The following AMBN variants were observed in gnomAD, a reference collection of about 807,000 sequenced individuals.
AMBN encodes ameloblastin, also known as enamel matrix protein.
Under a neutral mutation model 48.0 loss-of-function variants are expected in AMBN, and 54 were observed. The observed-to-expected ratio is 1.12, with a 90% CI of 0.90 to 1.41. The LOEUF (loss-of-function observed/expected upper bound fraction) is 1.41, where lower values mean the gene tolerates loss of function less well. Ranked by LOEUF, AMBN falls within the 40% of genes most tolerant of loss-of-function variation. The probability of loss-of-function intolerance (pLI) is 0.00; values close to 1 mark genes in which losing one functional copy is unlikely to be tolerated. For synonymous variants in AMBN, 186 were observed against 190.0 expected, an observed-to-expected ratio of 0.98 and a Z score of 0.17; for missense variants, 571 against 547.3, an observed-to-expected ratio of 1.04 and a Z score of -0.43.
intron 1 of AMBN, among the ~76,000 whole-genome samples, chr4:70,592,604 G>A (rs1308256061): frequency 2.0e-5 from 3 of 151,212 alleles, no homozygotes; most frequent in Non-Finnish European, 2.9e-5. Flanking sequence ...TTTGATTATA[G>A]TGCCTAATTC....
At chr4:70,593,961 T>C (rs779026885) in intron 2 of AMBN, among the ~76,000 whole-genome samples, 5 of 152,110 alleles carry the variant, frequency 3.3e-5, no homozygotes, top group Non-Finnish European at 7.4e-5. Flanking sequence ...ATTCCACTCA[T>C]TCAAAGTTAA....
intron 2 of AMBN, among the ~76,000 whole-genome samples, chr4:70,594,037 G>T (rs1395354113): frequency 1.3e-5 from 2 of 152,024 alleles, no homozygotes; most frequent in Non-Finnish European, 2.9e-5. Flanking sequence ...TCATTATAAA[G>T]TTGAAATGGA....
rs369331417 is a variant in AMBN at position 70,601,306 on chromosome 4, C to T, written c.295-112C>T. ...GTAAACTCAACTTCAAGACAAGTCT[C>T]CTAGCCTCCCTTCCAGATAGAAAGC... On this transcript the variant is annotated intron_variant, in intron 5 of 12. Coordinates refer to ENST00000322937, the MANE Select transcript of AMBN (RefSeq NM_016519.6). The T allele has an allele frequency of 2.9e-4, 310 of 1,081,532 alleles. 3 individuals carry two copies. In the East Asian group the frequency reaches 5.5e-3, roughly 19 times the overall value. The allele number at this position is 1,081,532 out of a possible 1,614,324, so 67.0% of individuals were successfully genotyped here.
At chr4:70,599,411 A>T (rs1737465781) in intron 4 of AMBN, 125 bp from the exon 5 acceptor site, 1 of 661,604 alleles carries the variant, frequency 1.5e-6, no homozygotes, top group Non-Finnish European at 2.4e-6. Flanking sequence ...ACTGCACTCC[A>T]GCCTGGCGAC....
chr4:70,601,503 T>A lies in AMBN; in HGVS notation c.380T>A (p.Leu127His). The change falls in exon 6 of 13, where the codon CTC becomes CAC. Residue 127 changes from leucine to histidine, a missense_variant. Transcript: ENST00000322937. ...CAACAGCCAGGACTGAAACCTTTTC[T>A]CCAGTCTGCTGCTGCAACCACCAAC... ...KPQQPGLKPF[L>H]QSAAATTNQA... 1 of 1,614,142 alleles carries A rather than the reference T, an allele frequency of 6.2e-7. No individual in the cohort carries two copies. Among genetic ancestry groups the A allele is most frequent in the Non-Finnish European group, 8.5e-7 (1 of 1,179,998 alleles).
chr4:70,604,007 A>C (rs758140701), intron 12 of AMBN, 86 bp downstream of exon 12: 211 of 1,306,128 alleles, frequency 1.6e-4, no homozygotes, highest in Non-Finnish European at 2.2e-4. Context: ...GTCTGCCATG[A>C]ATGTAGCCAA....
chr4:70,598,965 G>A (rs552720870), intron 4 of AMBN, among the ~76,000 whole-genome samples: 22 of 149,230 alleles, frequency 1.5e-4, no homozygotes, highest in Admixed American at 4.0e-4. Context: ...TAGTAGAGAC[G>A]GGGTTTTGCC....
rs911532703 is a variant in AMBN, at chr4:70,606,009, A to G, written c.799-176A>G. On this transcript the variant is annotated intron_variant, in intron 12 of 12. Coordinates refer to ENST00000322937, the MANE Select transcript of AMBN (RefSeq NM_016519.6). Reference sequence around the variant, plus strand: ...CCCAGATAAGTGCAGAATCCTCTTCATTATGTTTCAAAGCCAGTTTAGTGA... The same window carrying G: ...CCCAGATAAGTGCAGAATCCTCTTCGTTATGTTTCAAAGCCAGTTTAGTGA... Among the ~76,000 whole-genome samples, 6 of 152,136 alleles carry G rather than the reference A, an allele frequency of 3.9e-5. 1 individual carries two copies. The highest frequency in any genetic ancestry group is 3.3e-4 in the Admixed American group (5 of 15,264).
intron 12 of AMBN, among the ~76,000 whole-genome samples, chr4:70,604,902 A>C (rs1737607254): frequency 6.6e-6 from 1 of 151,972 alleles, no homozygotes; most frequent in Non-Finnish European, 1.5e-5. Flanking sequence ...CTGAGGCAGG[A>C]GAATCACTCG....
In AMBN at chr4:70,601,796, T is replaced by A. The variant is rs1577956213; in HGVS notation, c.531+142T>A. On this transcript the variant is annotated intron_variant, in intron 6 of 12. Coordinates refer to ENST00000322937, the MANE Select transcript of AMBN (RefSeq NM_016519.6). The stretch of plus-strand genomic sequence containing the variant: ...ATATTCTTAATCAGTCTTCCACATC[T>A]GAGATTTATTTTTTGAGTAAAACGT... 9.9e-6 allele frequency: 8 copies of A among 810,620 alleles called. No individual in the cohort carries two copies. The East Asian group carries it at 2.1e-4, about 21-fold the overall frequency. 50.2% of individuals were successfully genotyped at this position (810,620 alleles called of 1,614,324 possible).
chr4:70,603,476 A>AT lies in AMBN; in HGVS notation c.753+17dup. 1 of 1,605,854 alleles carries AT rather than the reference A, an allele frequency of 6.2e-7. No individual in the cohort carries two copies. The highest frequency in any genetic ancestry group is 8.5e-7 in the Non-Finnish European group (1 of 1,176,626). ...AAATCAATTGGTAAGTCCATATTCT[A>AT]TAAAAAGTATTGTTTTTAATTAAAT... On this transcript the variant is annotated intron_variant, in intron 11 of 12. Transcript: ENST00000322937.
At chr4:70,594,810 A>T (rs918015255) in intron 2 of AMBN, among the ~76,000 whole-genome samples, 3 of 152,200 alleles carry the variant, frequency 2.0e-5, no homozygotes, top group Non-Finnish European at 4.4e-5. Context: ...ACCTGAATCA[A>T]TTGGGTCCAC....
chr4:70,594,360 T>C (rs1737346564), intron 2 of AMBN, among the ~76,000 whole-genome samples: 1 of 152,208 alleles, frequency 6.6e-6, no homozygotes, highest in Non-Finnish European at 1.5e-5. Context: ...AATTCTGTTA[T>C]CACAAAAACT....
At chr4:70,593,092 G>A (rs529681144) in intron 1 of AMBN, among the ~76,000 whole-genome samples, 1 of 152,262 alleles carries the variant, frequency 6.6e-6, no homozygotes, top group South Asian at 2.1e-4. Flanking sequence ...TATTTAGGCT[G>A]TAGATCCATT....
chr4:70,604,033 A>C, intron 12 of AMBN, 112 bp downstream of exon 12: 1 of 989,804 alleles, frequency 1.0e-6, no homozygotes, highest in South Asian at 1.5e-5. Flanking sequence ...CATGGGACTC[A>C]GATTTTTCCA....
At chr4:70,601,697 C>A in intron 6 of AMBN, 43 bp downstream of exon 6, 1 of 1,579,984 alleles carries the variant, frequency 6.3e-7, no homozygotes, top group Admixed American at 1.7e-5. Context: ...CACCAGCTAA[C>A]CTAATAGAAG....
At chr4:70,596,551 A>C (rs1347050281) in intron 2 of AMBN, among the ~76,000 whole-genome samples, 1 of 152,190 alleles carries the variant, frequency 6.6e-6, no homozygotes. Context: ...TCTGAATGTC[A>C]TGATCCCATG....
intron 3 of AMBN, 78 bp from the exon 4 acceptor site, chr4:70,598,278 T>A (rs1172560607): frequency 1.0e-6 from 1 of 974,378 alleles, no homozygotes. Context: ...GTGTTGATAA[T>A]GTCAAATATC....
rs531856448 is a variant in AMBN at position 70,600,550 on chromosome 4, G to GAAT, written c.295-866_295-864dup. Reference sequence around the variant, plus strand: ...TGCTGAATTGTGACATGTGAGTAATGAATACTGCGTGAGCTCAGAGAGGGG... The same window carrying GAAT: ...TGCTGAATTGTGACATGTGAGTAATGAATAATACTGCGTGAGCTCAGAGAGGGG... On this transcript the variant is annotated intron_variant, in intron 5 of 12. Coordinates refer to ENST00000322937, the MANE Select transcript of AMBN (RefSeq NM_016519.6). Among the ~76,000 whole-genome samples, 8 of 152,296 alleles carry GAAT rather than the reference G, an allele frequency of 5.3e-5. No individual in the cohort carries two copies. In the South Asian group the frequency reaches 6.2e-4, roughly 12 times the overall value.
Sources: gnomAD v4.1 joint callset for allele counts (sites outside exome capture counted in the v4.1 genomes callset) on GRCh38, gnomAD v4.1.1 for gene constraint, MANE v1.5 for transcripts, NCBI Gene and HGNC (gene_info 2026-07-23, HGNC 2026-07-21) for gene names.